ENOX1: variants seen among roughly 807,000 people sequenced by gnomAD.
ENOX1 encodes the protein candidate growth-related and time keeping constitutive hydroquinone (NADH) oxidase.
A neutral mutation model predicts 82.5 loss-of-function variants in ENOX1; 42 were observed. The ratio of observed to expected loss-of-function variants is 0.51; its 90% CI spans 0.40 to 0.66. ENOX1 has a LOEUF of 0.66. Ranked by LOEUF, ENOX1 falls within the 30% of genes least tolerant of loss-of-function variation. The pLI, the probability that ENOX1 is intolerant of heterozygous loss-of-function variation, is 0.00. For synonymous variants in ENOX1, 271 were observed against 282.2 expected (o/e 0.96, Z 0.40); for missense variants, 608 against 811.6 (o/e 0.75, Z 3.05).
rs751613780 is a variant in ENOX1, at chr13:43,361,434, C to G, written c.227G>C (p.Gly76Ala). Reference sequence around the variant, plus strand: ...CATCATGTTGAGGCTTGGATCAAAGCCTGGGACACAGATTGAGTCTGTAAA... The same window carrying G: ...CATCATGTTGAGGCTTGGATCAAAGGCTGGGACACAGATTGAGTCTGTAAA... The part of the protein sequence containing the change: ...QLVSDSICVP[G>A]FDPSLNMMTG... The change falls in exon 6 of 17, where the codon GGC becomes GCC. Residue 76 changes from glycine (G) to alanine (A), a missense_variant. By Grantham distance (60) the Gly-to-Ala change is moderately conservative. Transcript: ENST00000690772. The G allele has an allele frequency of 6.2e-7, 1 of 1,611,840 alleles. No individual in the cohort carries two copies. The highest frequency in any genetic ancestry group is 8.5e-7 in the Non-Finnish European group (1 of 1,179,448).
chr13:43,429,666 C>A (rs781414697), intron 3 of ENOX1, among the ~76,000 whole-genome samples: 8 of 151,826 alleles, frequency 5.3e-5, no homozygotes, highest in Non-Finnish European at 8.8e-5. Context: ...TGCTTGGGGA[C>A]CAAATAGATG....
intron 8 of ENOX1, among the ~76,000 whole-genome samples, chr13:43,348,220 T>G (rs1011095773): frequency 6.6e-6 from 1 of 152,224 alleles, no homozygotes; most frequent in Non-Finnish European, 1.5e-5. Flanking sequence ...ATGAATTAGG[T>G]GTCTCTTTGC....
intron 8 of ENOX1, among the ~76,000 whole-genome samples, chr13:43,349,614 G>T (rs913853324): frequency 4.6e-5 from 7 of 152,188 alleles, no homozygotes; most frequent in African/African-American, 9.7e-5. Flanking sequence ...AGCAGCCTTT[G>T]TGAGCTTGTT....
At chr13:43,762,973 A>AAAT (rs1249489771) in intron 1 of ENOX1, among the ~76,000 whole-genome samples, 1 of 152,100 alleles carries the variant, frequency 6.6e-6, no homozygotes, top group Admixed American at 6.5e-5. Flanking sequence ...TATGGCTAAT[A>AAAT]AATTAACTCT....
At chr13:43,693,358 A>C (rs1297719327) in intron 1 of ENOX1, among the ~76,000 whole-genome samples, 1 of 152,204 alleles carries the variant, frequency 6.6e-6, no homozygotes, top group East Asian at 1.9e-4. Context: ...CACATGTCTA[A>C]AAAAGCTGCC....
intron 14 of ENOX1, among the ~76,000 whole-genome samples, chr13:43,245,716 A>G (rs1593504619): frequency 1.3e-5 from 2 of 152,302 alleles, no homozygotes; most frequent in South Asian, 4.1e-4. Flanking sequence ...CAAGGTCTGT[A>G]TAAGGGGAGC....
intron 11 of ENOX1, among the ~76,000 whole-genome samples, chr13:43,305,569 A>C (rs1018883682): frequency 6.6e-6 from 1 of 151,348 alleles, no homozygotes; most frequent in African/African-American, 2.4e-5. Context: ...AGGAAAAAAA[A>C]ATTCTCTGCT....
chr13:43,354,998 A>G (rs971793309), intron 8 of ENOX1, among the ~76,000 whole-genome samples: 1 of 152,232 alleles, frequency 6.6e-6, no homozygotes, highest in African/African-American at 2.4e-5. Flanking sequence ...GTTGACAATC[A>G]TGCCATTGAC....
intron 12 of ENOX1, among the ~76,000 whole-genome samples, chr13:43,283,951 G>C (rs1052304070): frequency 6.6e-6 from 1 of 151,982 alleles, no homozygotes; most frequent in Non-Finnish European, 1.5e-5. Context: ...AATGATGTAT[G>C]TTTTAAACTT....
chr13:43,375,061 TACAA>T (rs1297837574), intron 5 of ENOX1, among the ~76,000 whole-genome samples: 1 of 152,212 alleles, frequency 6.6e-6, no homozygotes, highest in Non-Finnish European at 1.5e-5. Context: ...GCCAGCAATT[TACAA>T]ACAAGCAATC....
intron 1 of ENOX1, among the ~76,000 whole-genome samples, chr13:43,675,895 A>G (rs1316485334): frequency 6.6e-6 from 1 of 152,224 alleles, no homozygotes; most frequent in Non-Finnish European, 1.5e-5. Context: ...ATCCCATCAC[A>G]GGTGCTATTT....
At chr13:43,703,313 A>G (rs1238056772) in intron 1 of ENOX1, among the ~76,000 whole-genome samples, 1 of 152,146 alleles carries the variant, frequency 6.6e-6, no homozygotes, top group African/African-American at 2.4e-5. Context: ...AAACATAAAG[A>G]GTATGGAATA....
chr13:43,436,158 T>C (rs2056018383), intron 3 of ENOX1, among the ~76,000 whole-genome samples: 1 of 152,210 alleles, frequency 6.6e-6, no homozygotes, highest in Non-Finnish European at 1.5e-5. Context: ...AAAAAGTTGC[T>C]TTGAGAAAAA....
intron 1 of ENOX1, among the ~76,000 whole-genome samples, chr13:43,779,450 T>C (rs1952119317): frequency 6.6e-6 from 1 of 152,150 alleles, no homozygotes; most frequent in African/African-American, 2.4e-5. Flanking sequence ...TGTGCTGCAC[T>C]ACTAAGCTTC....
intron 1 of ENOX1, among the ~76,000 whole-genome samples, chr13:43,741,082 AC>A (rs2089886521): frequency 8.4e-6 from 1 of 119,184 alleles, no homozygotes; most frequent in South Asian, 3.4e-4. Context: ...AATGGCTGAA[AC>A]TTTTTTTTTT....
At chr13:43,335,199 G>A (rs2048628366) in intron 9 of ENOX1, among the ~76,000 whole-genome samples, 3 of 152,220 alleles carry the variant, frequency 2.0e-5, no homozygotes, top group African/African-American at 4.8e-5. Context: ...ACACATAAGT[G>A]GTTTCTCTCC....
chr13:43,684,166 G>GACA (rs1461916273), intron 1 of ENOX1, among the ~76,000 whole-genome samples: 2 of 149,648 alleles, frequency 1.3e-5, no homozygotes, highest in Admixed American at 1.3e-4. Context: ...TCCCTCACTT[G>GACA]AGCTCCTATG....
chr13:43,548,385 G>A (rs902233459), intron 2 of ENOX1, among the ~76,000 whole-genome samples: 34 of 152,202 alleles, frequency 2.2e-4, no homozygotes, highest in African/African-American at 8.2e-4. Flanking sequence ...TTAATGGAAA[G>A]TTCAAGGGAT....
At chr13:43,403,261 C>T (rs1315955131) in intron 5 of ENOX1, among the ~76,000 whole-genome samples, 1 of 151,864 alleles carries the variant, frequency 6.6e-6, no homozygotes, top group Non-Finnish European at 1.5e-5. Context: ...TTGTAGTATA[C>T]ATAGGATGAA....
Sources: gnomAD v4.1 joint callset for allele counts (sites outside exome capture counted in the v4.1 genomes callset) on GRCh38, gnomAD v4.1.1 for gene constraint, MANE v1.5 for transcripts, NCBI Gene and HGNC (gene_info 2026-07-23, HGNC 2026-07-21) for gene names.